XKR9: variants seen among roughly 807,000 people sequenced by gnomAD.
XKR9 encodes XK related 9.
XKR9 carries 32 observed loss-of-function variants against 32.0 expected under a neutral mutation model. The ratio of observed to expected loss-of-function variants is 1.00; its 90% CI spans 0.76 to 1.34. The LOEUF (loss-of-function observed/expected upper bound fraction) is 1.34. XKR9 is among the 40% of genes most tolerant of loss of function. The probability of loss-of-function intolerance (pLI) is 0.00; values close to 1 mark genes in which losing one functional copy is unlikely to be tolerated. For missense variants in XKR9, 546 were observed against 429.7 expected (o/e 1.27, Z -2.39); for synonymous variants, 168 against 143.4 (o/e 1.17, Z -1.22).
intron 2 of XKR9, among the ~76,000 whole-genome samples, chr8:70,768,332 A>G (rs1026469061): frequency 6.6e-6 from 1 of 152,176 alleles, no homozygotes; most frequent in Non-Finnish European, 1.5e-5. Context: ...GAAGTGTTTT[A>G]CTTCCAATTA....
At chr8:70,814,075 A>G in the XKR9 span, among the ~76,000 whole-genome samples, 1 of 152,242 alleles carries the variant, frequency 6.6e-6, no homozygotes, top group African/African-American at 2.4e-5. Context: ...TGGATTAAGA[A>G]AATGTGGCAC....
At chr8:70,790,931 G>T (rs1807755974), downstream of XKR9, among the ~76,000 whole-genome samples, 1 of 152,024 alleles carries the variant, frequency 6.6e-6, no homozygotes, top group Non-Finnish European at 1.5e-5. Flanking sequence ...TCCTTACATG[G>T]TGGAAGGGGC....
chr8:70,938,985 T>C, the XKR9 span, among the ~76,000 whole-genome samples: 3 of 148,004 alleles, frequency 2.0e-5, no homozygotes, highest in African/African-American at 5.1e-5. Flanking sequence ...TTTTTTTTTT[T>C]CAGGGGGTGG....
chr8:70,681,036 A>C lies in XKR9; in HGVS notation c.-23A>C. 1.9e-6 allele frequency: 3 copies of C among 1,576,328 alleles called. No individual in the cohort carries two copies. In the South Asian group the frequency reaches 3.5e-5, roughly 18 times the overall value. On this transcript the variant is annotated 5_prime_UTR_variant, in exon 3 of 5. Coordinates refer to ENST00000408926, the MANE Select transcript of XKR9 (RefSeq NM_001011720.2). ...TTTGTGAGGGAGAAAAAAGTAGATA[A>C]CGAAAAGCTATAGTCATTCGTAATG...
chr8:70,715,952 G>A (rs1481748884), intron 4 of XKR9, among the ~76,000 whole-genome samples: 1 of 151,904 alleles, frequency 6.6e-6, no homozygotes, highest in Non-Finnish European at 1.5e-5. Context: ...GGAAGGCCTG[G>A]CAAAAGTTTA....
the XKR9 span, among the ~76,000 whole-genome samples, chr8:70,975,640 T>C: frequency 6.6e-6 from 1 of 152,230 alleles, no homozygotes; most frequent in African/African-American, 2.4e-5. Context: ...TTTTGATTAC[T>C]GTAGCCTTGT....
intron 4 of XKR9, among the ~76,000 whole-genome samples, chr8:70,714,144 G>A (rs976584097): frequency 2.6e-5 from 4 of 151,950 alleles, no homozygotes. Flanking sequence ...TTTTTACAGT[G>A]ACACTAGTCC....
the XKR9 span, among the ~76,000 whole-genome samples, chr8:70,877,330 G>T: frequency 9.9e-5 from 15 of 152,242 alleles, no homozygotes; most frequent in African/African-American, 3.6e-4. Context: ...ATATCAAGTA[G>T]TTACTATTTT....
the XKR9 span, among the ~76,000 whole-genome samples, chr8:70,895,548 G>C: frequency 7.9e-5 from 12 of 152,252 alleles, no homozygotes; most frequent in African/African-American, 2.9e-4. Context: ...TGAATGTATA[G>C]ATGAATTTTT....
chr8:70,853,801 G>T, the XKR9 span, among the ~76,000 whole-genome samples: 1 of 152,020 alleles, frequency 6.6e-6, no homozygotes, highest in Non-Finnish European at 1.5e-5. Context: ...CCTTGTGATG[G>T]TTTGCTGAGA....
At chr8:70,834,221 C>G in the XKR9 span, among the ~76,000 whole-genome samples, 1 of 151,784 alleles carries the variant, frequency 6.6e-6, no homozygotes. Flanking sequence ...ATAATATATT[C>G]TTTTACAACT....
At chr8:71,007,807 G>A in the XKR9 span, among the ~76,000 whole-genome samples, 9 of 151,988 alleles carry the variant, frequency 5.9e-5, 1 homozygote, top group Admixed American at 5.2e-4. Flanking sequence ...TTGCTTGTTT[G>A]TGTTATGCAG....
chr8:70,942,231 T>G, the XKR9 span, among the ~76,000 whole-genome samples: 48,338 of 152,008 alleles, frequency 0.32, 9,012 homozygotes, highest in Non-Finnish European at 0.43. Flanking sequence ...AAGAGAGACA[T>G]AAGATAATTC....
the XKR9 span, among the ~76,000 whole-genome samples, chr8:71,061,934 A>T: frequency 6.6e-6 from 1 of 152,236 alleles, no homozygotes; most frequent in African/African-American, 2.4e-5. Context: ...TGTTATGATT[A>T]CTGCTTGATT....
At chr8:71,048,859 C>G in the XKR9 span, among the ~76,000 whole-genome samples, 1 of 152,206 alleles carries the variant, frequency 6.6e-6, no homozygotes, top group Non-Finnish European at 1.5e-5. Flanking sequence ...AGTTACAACT[C>G]TTAATCCAAA....
At chr8:71,037,371 A>G in the XKR9 span, among the ~76,000 whole-genome samples, 1 of 152,176 alleles carries the variant, frequency 6.6e-6, no homozygotes, top group Non-Finnish European at 1.5e-5. Flanking sequence ...AAATAGGTCA[A>G]AGGACTGCAG....
the XKR9 span, among the ~76,000 whole-genome samples, chr8:70,976,554 C>G: frequency 0.32 from 48,466 of 152,024 alleles, 9,059 homozygotes; most frequent in Non-Finnish European, 0.43. Context: ...GACTTGCATC[C>G]CAGGGATGAA....
At chr8:70,700,661 G>A (rs1289679779) in intron 3 of XKR9, among the ~76,000 whole-genome samples, 1 of 152,194 alleles carries the variant, frequency 6.6e-6, no homozygotes, top group African/African-American at 2.4e-5. Flanking sequence ...GAGGCAGTCT[G>A]CCCGTTCTGA....
intron 2 of XKR9, among the ~76,000 whole-genome samples, chr8:70,786,248 G>C (rs1386678497): frequency 6.6e-6 from 1 of 152,058 alleles, no homozygotes; most frequent in African/African-American, 2.4e-5. Context: ...TGTGTATTCT[G>C]CTGCTGTTGG....
Sources: gnomAD v4.1 joint callset for allele counts (sites outside exome capture counted in the v4.1 genomes callset) on GRCh38, gnomAD v4.1.1 for gene constraint, MANE v1.5 for transcripts, NCBI Gene and HGNC (gene_info 2026-07-23, HGNC 2026-07-21) for gene names.